The following PITX3 variants were observed in gnomAD, a reference collection of about 807,000 sequenced individuals.
PITX3 encodes paired like homeodomain 3, also known as pituitary homeobox 3.
PITX3 carries 4 observed loss-of-function variants against 14.2 expected under a neutral mutation model. The ratio of observed to expected loss-of-function variants is 0.28; its 90% CI spans 0.14 to 0.65. The LOEUF (loss-of-function observed/expected upper bound fraction) is 0.65. Ranked by LOEUF, PITX3 falls within the 30% of genes least tolerant of loss-of-function variation. The pLI is 0.82. For synonymous variants in PITX3, 194 were observed against 204.5 expected (o/e 0.95, Z 0.44); for missense variants, 358 against 426.8 (o/e 0.84, Z 1.42).
At chr10:102,236,495 G>A (rs192883596) in intron 1 of PITX3, among the ~76,000 whole-genome samples, 1 of 152,308 alleles carries the variant, frequency 6.6e-6, no homozygotes, top group Admixed American at 6.5e-5. Flanking sequence ...GGCCCAGGGA[G>A]TACAGAGGGC....
At chr10:102,239,804 G>A (rs2070485559) in intron 1 of PITX3, among the ~76,000 whole-genome samples, 1 of 152,210 alleles carries the variant, frequency 6.6e-6, no homozygotes, top group African/African-American at 2.4e-5. Flanking sequence ...TTAGAATTGG[G>A]GTCAGGGTGG....
chr10:102,235,283 T>C (rs900302257), intron 1 of PITX3, among the ~76,000 whole-genome samples: 86 of 151,486 alleles, frequency 5.7e-4, no homozygotes, highest in African/African-American at 2.1e-3. Flanking sequence ...GGGAGTGTTC[T>C]GCACTGGATG....
chr10:102,235,429 C>A lies in PITX3; in HGVS notation c.-12-3337G>T, dbSNP rs371952269. On this transcript the variant is annotated intron_variant, in intron 1 of 3. Coordinates refer to ENST00000370002, the MANE Select transcript of PITX3 (RefSeq NM_005029.4). ...GAAATTAGGTTTAGAGTCAGCAGAT[C>A]TAGATTCACGTCCTGGCTGTACAAC... is the stretch of plus-strand genomic sequence containing the variant. Among the ~76,000 whole-genome samples, 53 of 152,238 alleles carry A rather than the reference C, an allele frequency of 3.5e-4. No individual in the cohort carries two copies. In the East Asian group the frequency reaches 4.8e-3, roughly 14 times the overall value.
At chr10:102,233,028 G>A (rs1480516110) in intron 1 of PITX3, among the ~76,000 whole-genome samples, 2 of 152,204 alleles carry the variant, frequency 1.3e-5, no homozygotes, top group African/African-American at 4.8e-5. Flanking sequence ...CACAGAGCTT[G>A]TAAGCAGTGG....
At chr10:102,234,721 T>A (rs908392191) in intron 1 of PITX3, among the ~76,000 whole-genome samples, 4 of 152,070 alleles carry the variant, frequency 2.6e-5, no homozygotes, top group Non-Finnish European at 4.4e-5. Context: ...GGAAGCAACA[T>A]GGAGCTGGGA....
At chr10:102,232,220 G>T in intron 1 of PITX3, 128 bp from the exon 2 acceptor site, 1 of 655,724 alleles carries the variant, frequency 1.5e-6, no homozygotes, top group Non-Finnish European at 2.8e-6. Context: ...CTGGGGCTGC[G>T]TGGGGCTCCT....
chr10:102,236,120 G>A (rs867529884), intron 1 of PITX3, among the ~76,000 whole-genome samples: 1 of 152,198 alleles, frequency 6.6e-6, no homozygotes, highest in Non-Finnish European at 1.5e-5. Flanking sequence ...ACTCACGTCC[G>A]GGTGGGCTGG....
In PITX3 at chr10:102,230,345, A is replaced by G; in HGVS notation, c.*169T>C. ...GCGGTCTGTGTGTAGGGCCTAGTCC[A>G]CCCCTCAGGGCTGGGAGGGGAAGGC... On this transcript the variant is annotated 3_prime_UTR_variant, in exon 4 of 4. Coordinates refer to ENST00000370002, the MANE Select transcript of PITX3 (RefSeq NM_005029.4). The G allele has an allele frequency of 9.8e-7, 1 of 1,020,020 alleles. No individual in the cohort carries two copies. The highest frequency in any genetic ancestry group is 1.4e-6 in the Non-Finnish European group (1 of 719,678). The allele number at this position is 1,020,020 out of a possible 1,614,324, so 63.2% of individuals were successfully genotyped here. A position where few individuals can be genotyped will look rare whatever the true frequency, so the allele number is the denominator to read the frequency against.
intron 1 of PITX3, among the ~76,000 whole-genome samples, chr10:102,234,680 A>G (rs1273491689): frequency 6.6e-6 from 1 of 152,084 alleles, no homozygotes; most frequent in Non-Finnish European, 1.5e-5. Flanking sequence ...CTTGAAATGC[A>G]AATCATCCCC....
chr10:102,233,928 G>A (rs937267943), intron 1 of PITX3, among the ~76,000 whole-genome samples: 9 of 152,174 alleles, frequency 5.9e-5, no homozygotes, highest in Non-Finnish European at 1.2e-4. Context: ...GGACCCCTCT[G>A]CTGCGAGGAA....
rs1252663122 is a variant in PITX3, at chr10:102,241,318, T to C, written c.-13+15A>G. Reference sequence around the variant, plus strand: ...GCCCCATGAGCCCCTGTCCTTAGAATGGTCAAACACTCACAGTGCGTCCTG... The same window carrying C: ...GCCCCATGAGCCCCTGTCCTTAGAACGGTCAAACACTCACAGTGCGTCCTG... On this transcript the variant is annotated intron_variant, in intron 1 of 3. Transcript: ENST00000370002. This position sits in a 1 kb window ranked among gnomAD's most constrained non-coding sequence, Gnocchi z 6.7. The C allele has an allele frequency of 6.6e-6, 1 of 152,604 alleles. No homozygotes were observed. Among genetic ancestry groups the C allele is most frequent in the Non-Finnish European group, 1.5e-5 (1 of 68,396 alleles). The allele number at this position is 152,604 out of a possible 1,614,324, so 9.5% of individuals were successfully genotyped here. A position where few individuals can be genotyped will look rare whatever the true frequency, so the allele number is the denominator to read the frequency against.
rs765947405 is a variant in PITX3 at position 102,230,945 on chromosome 10, C to T, written c.478G>A (p.Ala160Thr). Residue 160 changes from alanine (A) to threonine (T), a missense_variant, in exon 4 of 4, where the codon GCT (alanine) becomes ACT (threonine). By Grantham distance (58) the Ala-to-Thr change is moderately conservative (BLOSUM62 0). This residue lies in a region of PITX3 where 236 missense variants were observed against 250.2 expected (regional missense o/e 0.94). Transcript: ENST00000370002. The stretch of plus-strand genomic sequence containing the variant: ...TTGGCGGCGAGCGGCGGGGCAAGAG[C>T]CTTGGGCGGCCAGTTGCCGTACGAG... ...GYSYGNWPPK[A>T]LAPPLAAKTF... is the part of the protein sequence containing the mutation. 6.2e-7 allele frequency: 1 copy of T among 1,608,170 alleles called. No individual in the cohort carries two copies. Among genetic ancestry groups the T allele is most frequent in the South Asian group, 1.1e-5 (1 of 90,336 alleles).
intron 1 of PITX3, among the ~76,000 whole-genome samples, chr10:102,238,800 C>G (rs903914202): frequency 1.3e-5 from 2 of 152,192 alleles, no homozygotes; most frequent in Non-Finnish European, 2.9e-5. Flanking sequence ...TTCAAACCAT[C>G]TAGTTCTGCT....
chr10:102,233,006 C>T (rs763090013), intron 1 of PITX3, among the ~76,000 whole-genome samples: 65 of 152,208 alleles, frequency 4.3e-4, no homozygotes, highest in Non-Finnish European at 7.8e-4. Context: ...CTTGAAGGAA[C>T]TTGATGAGGC....
In PITX3 at chr10:102,233,300, C is replaced by G. The variant is rs2070301240; in HGVS notation, c.-12-1208G>C. ...TACGACTTCTTTCTTTTTTTTTTTT[C>G]CTTCTTTTTTTTTTTTTTTTTGAGA... is the stretch of plus-strand genomic sequence containing the variant. On this transcript the variant is annotated intron_variant, in intron 1 of 3. Coordinates refer to ENST00000370002, the MANE Select transcript of PITX3 (RefSeq NM_005029.4). 7.9e-5 allele frequency among the ~76,000 whole-genome samples: 10 copies of G among 126,336 alleles called. No individual in the cohort carries two copies. The South Asian group carries it at 1.7e-3, about 21-fold the overall frequency. 82.9% of individuals were successfully genotyped at this position (126,336 alleles called of 152,430 possible). A position where few individuals can be genotyped will look rare whatever the true frequency, so the allele number is the denominator to read the frequency against.
At chr10:102,234,740 A>T (rs1040846860) in intron 1 of PITX3, among the ~76,000 whole-genome samples, 3 of 152,136 alleles carry the variant, frequency 2.0e-5, no homozygotes, top group Admixed American at 6.6e-5. Context: ...GAAAAAACCC[A>T]GAGAGGGGTT....
At chr10:102,240,235 T>C (rs1158170920) in intron 1 of PITX3, among the ~76,000 whole-genome samples, 1 of 152,244 alleles carries the variant, frequency 6.6e-6, no homozygotes, top group African/African-American at 2.4e-5. Context: ...TGTTTTCCCA[T>C]TGCCTTTTGT....
chr10:102,230,747 C>G lies in PITX3; in HGVS notation c.676G>C (p.Ala226Pro). The change falls in exon 4 of 4, where the codon GCT becomes CCT. Residue 226 changes from alanine (A) to proline (P), a missense_variant. By Grantham distance (27) the Ala-to-Pro change is conservative. Transcript: ENST00000370002. ...QGLGGGPPGLAPAAVSSGAVS... is the reference protein window; with the variant it reads ...QGLGGGPPGLPPAAVSSGAVS... The stretch of plus-strand genomic sequence containing the variant: ...GCCCCGGAGGACACGGCGGCCGGAG[C>G]CAGCCCGGGGGGGCCCCCGCCCAGG... 1 of 1,489,176 alleles carries G rather than the reference C, an allele frequency of 6.7e-7. No homozygotes were observed. The highest frequency in any genetic ancestry group is 8.9e-7 in the Non-Finnish European group (1 of 1,123,408). 92.2% of individuals were successfully genotyped at this position (1,489,176 alleles called of 1,614,324 possible).
chr10:102,234,053 G>A (rs2070322952), intron 1 of PITX3, among the ~76,000 whole-genome samples: 2 of 152,204 alleles, frequency 1.3e-5, no homozygotes, highest in Non-Finnish European at 2.9e-5. Flanking sequence ...GGGCCTCTCT[G>A]CCTCTCTCAC....
Sources: allele counts gnomAD v4.1 joint callset (sites outside exome capture counted in the v4.1 genomes callset), GRCh38; gene constraint gnomAD v4.1.1; regional missense constraint gnomAD v4.1.1; non-coding constraint Gnocchi (gnomAD v3.1); transcripts MANE v1.5; gene names NCBI Gene and HGNC (gene_info 2026-07-23, HGNC 2026-07-21).